LY75: variants seen among roughly 807,000 people sequenced by gnomAD.
LY75 encodes lymphocyte antigen 75.
In LY75, 185 loss-of-function variants were observed where a neutral mutation model predicts 231.7. The ratio of observed to expected loss-of-function variants is 0.80; its 90% CI spans 0.71 to 0.90. The LOEUF (loss-of-function observed/expected upper bound fraction) is 0.90, where lower values mean the gene tolerates loss of function less well. LY75 is among the 40% of genes least tolerant of loss of function. LY75 has a pLI of 0.00. For synonymous variants in LY75, 668 were observed against 689.0 expected (o/e 0.97, Z 0.48); for missense variants, 1,947 against 2,050.2 (o/e 0.95, Z 0.97).
At chr2:159,846,260 C>A (rs1391316102) in intron 23 of LY75, among the ~76,000 whole-genome samples, 9 of 151,738 alleles carry the variant, frequency 5.9e-5, no homozygotes, top group Non-Finnish European at 1.3e-4. Flanking sequence ...TGTGGTGACT[C>A]CTGCTTGTAA....
chr2:159,848,113 C>CACA (rs1188769706), intron 23 of LY75, among the ~76,000 whole-genome samples: 3 of 140,968 alleles, frequency 2.1e-5, no homozygotes, highest in African/African-American at 5.6e-5. Context: ...CATACACACA[C>CACA]CATATATACG....
In LY75 at chr2:159,815,149, C is replaced by T. The variant is rs575781457; in HGVS notation, c.4549+256G>A. Among the ~76,000 whole-genome samples the T allele has an allele frequency of 2.6e-4, 40 of 152,112 alleles. 1 individual carries two copies. Among genetic ancestry groups the T allele is most frequent in the African/African-American group, 8.9e-4 (37 of 41,516 alleles). ...CTGACTAGCTGGGACTACAGGCGCC[C>T]GCCACCATGCCCAGCTATTTTTTTT... On this transcript the variant is annotated intron_variant, in intron 31 of 34. Transcript: ENST00000263636.
intron 4 of LY75, among the ~76,000 whole-genome samples, chr2:159,887,301 C>T (rs915695372): frequency 4.7e-5 from 7 of 149,518 alleles, no homozygotes; most frequent in Non-Finnish European, 1.0e-4. Context: ...TGACCAGATG[C>T]TATCAGCAAT....
chr2:159,833,849 C>T lies in LY75; in HGVS notation c.3841+195G>A, dbSNP rs144386226. 2.3e-3 allele frequency among the ~76,000 whole-genome samples: 353 copies of T among 152,234 alleles called. 2 individuals carry two copies. The highest frequency in any genetic ancestry group is 0.02 in the Middle Eastern group (6 of 294). ...TGAGATCTGATGGTTTTACAAAGGG[C>T]AGTTTCCCTGCACATGCTCTCTTGC... On this transcript the variant is annotated intron_variant, in intron 27 of 34. Transcript: ENST00000263636.
chr2:159,825,950 G>A (rs1007318167), intron 28 of LY75, among the ~76,000 whole-genome samples: 3 of 152,078 alleles, frequency 2.0e-5, no homozygotes, highest in East Asian at 1.9e-4. Context: ...TTGATGGAAC[G>A]TATCTCAAAA....
intron 16 of LY75, among the ~76,000 whole-genome samples, chr2:159,857,539 C>G (rs183930376): frequency 6.6e-6 from 1 of 151,996 alleles, no homozygotes; most frequent in African/African-American, 2.4e-5. Context: ...GTCAGGAGTT[C>G]GAGACCAGCT....
At chr2:159,897,479 C>G (rs112048407) in intron 2 of LY75, among the ~76,000 whole-genome samples, 2 of 148,378 alleles carry the variant, frequency 1.3e-5, no homozygotes, top group Non-Finnish European at 3.0e-5. Context: ...GAAAAGGAAA[C>G]CCTATCTCTA....
chr2:159,880,901 G>C (rs1456380528), intron 8 of LY75, among the ~76,000 whole-genome samples, 182 bp downstream of exon 8: 1 of 152,196 alleles, frequency 6.6e-6, no homozygotes, highest in Non-Finnish European at 1.5e-5. Flanking sequence ...CTTACCCGCC[G>C]CTCACCTCCT....
chr2:159,840,377 G>C (rs1322711645), intron 25 of LY75, among the ~76,000 whole-genome samples: 2 of 152,112 alleles, frequency 1.3e-5, no homozygotes, highest in Admixed American at 1.3e-4. Context: ...TTTGAGACCA[G>C]CTTGGGCAAT....
intron 8 of LY75, among the ~76,000 whole-genome samples, chr2:159,880,793 T>C (rs1685411808): frequency 6.6e-6 from 1 of 152,132 alleles, no homozygotes; most frequent in Non-Finnish European, 1.5e-5. Flanking sequence ...GCAACCTAGA[T>C]CCCTTGCATG....
intron 16 of LY75, 50 bp from the exon 17 acceptor site, chr2:159,854,989 G>A: frequency 1.2e-6 from 2 of 1,609,768 alleles, no homozygotes; most frequent in South Asian, 2.2e-5. Context: ...ACAGATCAGG[G>A]TATACTATAA....
In LY75 at chr2:159,875,614, T is replaced by G. The variant is rs756941905; in HGVS notation, c.1804A>C (p.Thr602Pro). ...TCCCACTTTCCAACAGACTTTCCAGTAGACATAGCCACGCAGCCGCCCGGG... is the reference window on the plus strand; with the variant it reads ...TCCCACTTTCCAACAGACTTTCCAGGAGACATAGCCACGCAGCCGCCCGGG... ...ASPGGCVAMS[T>P]GKSVGKWEVK... Residue 602 changes from threonine (T) to proline (P), a missense_variant, in exon 12 of 35, where the codon ACT becomes CCT. By Grantham distance (38) the Thr-to-Pro change is conservative (BLOSUM62 -1). Transcript: ENST00000263636. The G allele has an allele frequency of 1.2e-6, 2 of 1,613,932 alleles. No individual in the cohort carries two copies. The highest frequency in any genetic ancestry group is 3.3e-5 in the Admixed American group (2 of 59,982).
chr2:159,849,204 T>G (rs1002582523), intron 23 of LY75, among the ~76,000 whole-genome samples: 2 of 152,214 alleles, frequency 1.3e-5, no homozygotes, highest in African/African-American at 2.4e-5. Context: ...GTCAGGAATA[T>G]CAGTTGATTA....
intron 18 of LY75, 65 bp from the exon 19 acceptor site, chr2:159,853,762 T>A: frequency 6.3e-7 from 1 of 1,599,782 alleles, no homozygotes; most frequent in Non-Finnish European, 8.5e-7. Context: ...TTGATTCGAA[T>A]ACATTGTCTT....
At chr2:159,834,264 C>T in intron 26 of LY75, 53 bp from the exon 27 acceptor site, 1 of 1,602,848 alleles carries the variant, frequency 6.2e-7, no homozygotes, top group East Asian at 2.2e-5. Flanking sequence ...AATGTTAAAT[C>T]CTGTTTGCAG....
At position 159,858,522 on chromosome 2, in the gene LY75, C is replaced by T. The variant is rs373289217; in HGVS notation, c.2269-46G>A. ...CAGAATATTTTGAAGTTGATACATC[C>T]CTTATGGAACACTAAACTGTAAGCC... is the stretch of plus-strand genomic sequence containing the variant. On this transcript the variant is annotated intron_variant, in intron 15 of 34. Transcript: ENST00000263636. 3.2e-6 allele frequency: 5 copies of T among 1,566,048 alleles called. No homozygotes were observed. In the African/African-American group the frequency reaches 5.4e-5, roughly 17 times the overall value.
chr2:159,860,751 T>C, intron 15 of LY75, 70 bp downstream of exon 15: 1 of 1,568,150 alleles, frequency 6.4e-7, no homozygotes, highest in South Asian at 1.1e-5. Flanking sequence ...ACTCCATGGA[T>C]CTGTTACTTG....
rs184020935 is a variant in LY75, at chr2:159,855,193, C to T, written c.2384-254G>A. On this transcript the variant is annotated intron_variant, in intron 16 of 34. Transcript: ENST00000263636. ...TTTCTAGCAGTCTTTTACCTTGTGTCACAGAGGTCACAAAAGAAGTAAGAC... is the reference window on the plus strand; with the variant it reads ...TTTCTAGCAGTCTTTTACCTTGTGTTACAGAGGTCACAAAAGAAGTAAGAC... Among the ~76,000 whole-genome samples the T allele has an allele frequency of 1.9e-3, 295 of 152,164 alleles. 1 individual carries two copies. The highest frequency in any genetic ancestry group is 6.8e-3 in the African/African-American group (282 of 41,488).
At chr2:159,875,755 A>G (rs1349561774) in intron 11 of LY75, 112 bp from the exon 12 acceptor site, 1 of 1,289,120 alleles carries the variant, frequency 7.8e-7, no homozygotes, top group Admixed American at 2.5e-5. Context: ...TAAAAAAAAA[A>G]TGGAACAAAG....
Sources: allele counts gnomAD v4.1 joint callset (sites outside exome capture counted in the v4.1 genomes callset), GRCh38; gene constraint gnomAD v4.1.1; transcripts MANE v1.5; gene names NCBI Gene and HGNC (gene_info 2026-07-23, HGNC 2026-07-21).